The following ST8SIA4 variants were observed in gnomAD, a reference collection of about 807,000 sequenced individuals.
The protein encoded by ST8SIA4 is ST8 alpha-N-acetyl-neuraminide alpha-2,8-sialyltransferase 4.
Under a neutral mutation model 33.9 loss-of-function variants are expected in ST8SIA4, and 15 were observed. The ratio of observed to expected loss-of-function variants is 0.44; its 90% CI spans 0.30 to 0.68. ST8SIA4 has a LOEUF of 0.68. Ranked by LOEUF, ST8SIA4 falls within the 30% of genes least tolerant of loss-of-function variation. The pLI, the probability that ST8SIA4 is intolerant of heterozygous loss-of-function variation, is 0.10. For missense variants in ST8SIA4, 321 were observed against 428.0 expected, an observed-to-expected ratio of 0.75 and a Z score of 2.21; for synonymous variants, 171 against 151.2, an observed-to-expected ratio of 1.13 and a Z score of -0.96.
At chr5:100,844,050 G>A (rs1751521079) in intron 4 of ST8SIA4, among the ~76,000 whole-genome samples, 1 of 151,870 alleles carries the variant, frequency 6.6e-6, no homozygotes, top group Admixed American at 6.6e-5. Context: ...CATCTGGATG[G>A]CTCCCTAATT....
intron 4 of ST8SIA4, among the ~76,000 whole-genome samples, chr5:100,820,856 G>C (rs1307062645): frequency 6.6e-6 from 1 of 152,120 alleles, no homozygotes; most frequent in Non-Finnish European, 1.5e-5. Context: ...TTGTCAAAGA[G>C]AATGCTTAAA....
intron 3 of ST8SIA4, among the ~76,000 whole-genome samples, chr5:100,864,201 T>G (rs1752009921): frequency 6.6e-6 from 1 of 152,204 alleles, no homozygotes. Flanking sequence ...CATCTGGTTG[T>G]CAATGTATAG....
At chr5:100,883,186 A>G (rs1276990356) in intron 3 of ST8SIA4, among the ~76,000 whole-genome samples, 4 of 152,218 alleles carry the variant, frequency 2.6e-5, no homozygotes, top group African/African-American at 9.6e-5. Flanking sequence ...GCTGCCCAAG[A>G]CCATGGGAAC....
intron 3 of ST8SIA4, among the ~76,000 whole-genome samples, chr5:100,871,673 G>A (rs1327497285): frequency 1.3e-5 from 2 of 152,036 alleles, no homozygotes; most frequent in African/African-American, 4.8e-5. Context: ...ATGGCTGTTA[G>A]AAAATGCAGT....
Position 100,886,500 on chromosome 5 carries a change from G to A in ST8SIA4, c.346C>T (p.Arg116Trp), listed in dbSNP as rs138152532. 1.4e-5 allele frequency: 22 copies of A among 1,613,682 alleles called. No homozygotes were observed. The highest frequency in any genetic ancestry group is 1.6e-5 in the Non-Finnish European group (19 of 1,179,786). ...DVIHYVLDRR[R>W]TLNISHDLHS... Reference sequence around the variant, plus strand: ...AGATCATGAGAAATGTTTAGTGTCCGGCGCCTGTCAAGCACATAGTGTATG... The same window carrying A: ...AGATCATGAGAAATGTTTAGTGTCCAGCGCCTGTCAAGCACATAGTGTATG... The change falls in exon 3 of 5, where the codon CGG becomes TGG. Residue 116 changes from arginine to tryptophan, a missense_variant. Physicochemically the swap from Arg to Trp is moderately radical, Grantham distance 101. Transcript: ENST00000231461.
At position 100,831,143 on chromosome 5, in the gene ST8SIA4, T is replaced by C. The variant is rs555729580; in HGVS notation, c.798-19014A>G. Among the ~76,000 whole-genome samples, 27 of 152,328 alleles carry C rather than the reference T, an allele frequency of 1.8e-4. No individual in the cohort carries two copies. In the South Asian group the frequency reaches 5.6e-3, roughly 32 times the overall value. On this transcript the variant is annotated intron_variant, in intron 4 of 4. Transcript: ENST00000231461. Reference sequence around the variant, plus strand: ...TATAATTATATTTGTCTACCTAAATTAACTTTTTGAATTATTTCTTTTCTC... The same window carrying C: ...TATAATTATATTTGTCTACCTAAATCAACTTTTTGAATTATTTCTTTTCTC...
At position 100,820,108 on chromosome 5, in the gene ST8SIA4, T is replaced by C. The variant is rs139837290; in HGVS notation, c.798-7979A>G. ...TGATCTTGGTCAAACCATTTAAACA[T>C]ATTAGGACCCAGTTTACCCACCAAC... On this transcript the variant is annotated intron_variant, in intron 4 of 4. Transcript: ENST00000231461. Among the ~76,000 whole-genome samples the C allele has an allele frequency of 5.9e-3, 895 of 152,278 alleles. 11 individuals carry two copies. The highest frequency in any genetic ancestry group is 0.02 in the African/African-American group (840 of 41,554).
At chr5:100,886,004 T>C in intron 3 of ST8SIA4, 2 of 958,826 alleles carry the variant, frequency 2.1e-6, no homozygotes, top group Non-Finnish European at 2.5e-6. Flanking sequence ...ACAAATAAAA[T>C]CACACAAAAC....
At chr5:100,884,360 G>T (rs1410684488) in intron 3 of ST8SIA4, among the ~76,000 whole-genome samples, 4 of 152,222 alleles carry the variant, frequency 2.6e-5, no homozygotes, top group African/African-American at 9.6e-5. Flanking sequence ...CAAGTGGCCA[G>T]TTGCTGCTTG....
intron 2 of ST8SIA4, among the ~76,000 whole-genome samples, chr5:100,887,718 A>G (rs150271557): frequency 5.5e-4 from 83 of 152,188 alleles, no homozygotes; most frequent in African/African-American, 1.7e-3. Flanking sequence ...AAGTTGTGCC[A>G]TGCATCTAAT....
At chr5:100,820,834 A>G (rs1751018176) in intron 4 of ST8SIA4, among the ~76,000 whole-genome samples, 1 of 152,178 alleles carries the variant, frequency 6.6e-6, no homozygotes, top group East Asian at 1.9e-4. Flanking sequence ...TTAGTAAAAT[A>G]TCTTTTGGGA....
chr5:100,889,895 C>A (rs915699728), intron 2 of ST8SIA4, among the ~76,000 whole-genome samples: 21 of 151,734 alleles, frequency 1.4e-4, no homozygotes, highest in East Asian at 3.9e-4. Context: ...GAAAAGACTA[C>A]CAACTCACAT....
intron 3 of ST8SIA4, among the ~76,000 whole-genome samples, chr5:100,866,610 AC>A (rs1752066490): frequency 1.3e-5 from 2 of 151,610 alleles, no homozygotes; most frequent in Non-Finnish European, 2.9e-5. Context: ...ACACACACAC[AC>A]AAATACATAT....
At chr5:100,864,607 A>C (rs1752024655) in intron 3 of ST8SIA4, among the ~76,000 whole-genome samples, 1 of 149,294 alleles carries the variant, frequency 6.7e-6, no homozygotes, top group Non-Finnish European at 1.5e-5. Context: ...AAAAAAAGCC[A>C]ACAGCAAATT....
At chr5:100,872,875 T>TAAAAAAAAAA (rs550303574) in intron 3 of ST8SIA4, among the ~76,000 whole-genome samples, 1 of 132,438 alleles carries the variant, frequency 7.6e-6, no homozygotes. Context: ...AGATATGGGC[T>TAAAAAAAAAA]AAAAAAAAAA....
chr5:100,853,985 ATG>A (rs55821438), intron 4 of ST8SIA4, among the ~76,000 whole-genome samples: 73 of 76,956 alleles, frequency 9.5e-4, no homozygotes, highest in African/African-American at 3.5e-3. Context: ...GTGTGTGTGT[ATG>A]TGTGTGTGTG....
intron 4 of ST8SIA4, among the ~76,000 whole-genome samples, chr5:100,837,511 C>A (rs920832478): frequency 6.6e-6 from 1 of 151,866 alleles, no homozygotes; most frequent in Non-Finnish European, 1.5e-5. Flanking sequence ...TTTTCTTCAC[C>A]CAATTTACAC....
At chr5:100,897,558 T>A (rs1333238637) in intron 1 of ST8SIA4, among the ~76,000 whole-genome samples, 4 of 152,212 alleles carry the variant, frequency 2.6e-5, no homozygotes, top group Non-Finnish European at 4.4e-5. Flanking sequence ...AACTGTGTTT[T>A]TTTAATGCAG....
intron 3 of ST8SIA4, among the ~76,000 whole-genome samples, chr5:100,868,169 G>T (rs1752114901): frequency 6.6e-6 from 1 of 151,960 alleles, no homozygotes; most frequent in Admixed American, 6.6e-5. Flanking sequence ...TTGTAATAAT[G>T]TCCTTATTAT....
Sources: allele counts gnomAD v4.1 joint callset (sites outside exome capture counted in the v4.1 genomes callset), GRCh38; gene constraint gnomAD v4.1.1; transcripts MANE v1.5; gene names NCBI Gene and HGNC (gene_info 2026-07-23, HGNC 2026-07-21).